DAAM2: variants seen among roughly 807,000 people sequenced by gnomAD.
DAAM2 encodes disheveled-associated activator of morphogenesis 2.
A neutral mutation model predicts 120.7 loss-of-function variants in DAAM2; 39 were observed. The observed-to-expected ratio is 0.32, with a 90% CI of 0.25 to 0.42. The LOEUF (loss-of-function observed/expected upper bound fraction) is 0.42. Among genes scored for constraint, DAAM2 ranks in the 10% least tolerant of loss-of-function variants. The pLI is 1.00. For synonymous variants in DAAM2, 488 were observed against 524.9 expected (o/e 0.93, Z 0.96); for missense variants, 1,283 against 1,401.7 (o/e 0.92, Z 1.35).
At chr6:39,813,089 T>C (rs1024564953) in intron 1 of DAAM2, among the ~76,000 whole-genome samples, 5 of 152,026 alleles carry the variant, frequency 3.3e-5, no homozygotes, top group Admixed American at 6.5e-5. Context: ...CCAGTTCATC[T>C]GAGGGCACTA....
Position 39,900,133 on chromosome 6 carries a change from C to A in DAAM2, c.2736C>A (p.Val912=). 6.2e-7 allele frequency: 1 copy of A among 1,602,320 alleles called. No homozygotes were observed. The highest frequency in any genetic ancestry group is 1.1e-5 in the South Asian group (1 of 88,596). The change falls in exon 23 of 25, where the codon GTC becomes GTA. Residue 912 remains valine, a synonymous_variant. Transcript: ENST00000274867. ...AGCCCAGTGACAAGTTTGTCCCTGT[C>A]ATGAGCGACTTCATCACGGTGTCCA... ...VREPSDKFVP[V]MSDFITVSSF...
At chr6:39,894,319 A>G (rs1765933962) in intron 19 of DAAM2, among the ~76,000 whole-genome samples, 1 of 152,232 alleles carries the variant, frequency 6.6e-6, no homozygotes, top group Non-Finnish European at 1.5e-5. Flanking sequence ...AAACCTTAGA[A>G]AAAACATCCC....
At chr6:39,899,669 A>C (rs1372716020) in intron 22 of DAAM2, 2 of 165,826 alleles carry the variant, frequency 1.2e-5, no homozygotes, top group Non-Finnish European at 2.6e-5. Flanking sequence ...GTGCTACTCA[A>C]AGTGCGGTAC....
chr6:39,824,696 G>T (rs966742270), intron 1 of DAAM2, among the ~76,000 whole-genome samples: 2 of 152,158 alleles, frequency 1.3e-5, no homozygotes, highest in Non-Finnish European at 2.9e-5. Flanking sequence ...CAAGCTGAGG[G>T]AGGCAGATGT....
intron 1 of DAAM2, among the ~76,000 whole-genome samples, chr6:39,806,866 A>T (rs1382552811): frequency 1.3e-5 from 2 of 151,740 alleles, no homozygotes; most frequent in Admixed American, 1.3e-4. Context: ...GAAAAGAAAA[A>T]ATCATGCTCA....
intron 6 of DAAM2, chr6:39,868,135 CTCT>C: frequency 7.3e-6 from 3 of 409,774 alleles, no homozygotes; most frequent in Admixed American, 3.7e-5. Context: ...ATTTTTGTGG[CTCT>C]GCATCTCCAA....
rs1200622918 is a variant in DAAM2, at chr6:39,903,888, C to G, written c.*1851C>G. 3 of 303,124 alleles carry G rather than the reference C, an allele frequency of 9.9e-6. No homozygotes were observed. Among genetic ancestry groups the G allele is most frequent in the African/African-American group, 2.2e-5 (1 of 45,888 alleles). The allele number at this position is 303,124 out of a possible 1,614,324, so 18.8% of individuals were successfully genotyped here. A position where few individuals can be genotyped will look rare whatever the true frequency, so the allele number is the denominator to read the frequency against. On this transcript the variant is annotated 3_prime_UTR_variant, in exon 25 of 25. Coordinates refer to ENST00000274867, the MANE Select transcript of DAAM2 (RefSeq NM_001201427.2). ...CAGGTGTGAAGAGGCCATCCTGGAA[C>G]CCAGGTGAGGGCAAGATGAAGGCTT...
At chr6:39,824,668 C>T (rs1401270373) in intron 1 of DAAM2, among the ~76,000 whole-genome samples, 4 of 152,104 alleles carry the variant, frequency 2.6e-5, no homozygotes, top group African/African-American at 9.7e-5. Flanking sequence ...AGAAGCTGGC[C>T]AGCTCCTGCA....
At chr6:39,792,580 T>C (rs1017176574) in intron 1 of DAAM2, 115 bp downstream of exon 1, 16 of 152,074 alleles carry the variant, frequency 1.1e-4, no homozygotes, top group Admixed American at 3.3e-4. Context: ...CCCGCGGGGC[T>C]TGGGGAGGCA....
intron 3 of DAAM2, among the ~76,000 whole-genome samples, chr6:39,863,811 C>A (rs1461097415): frequency 6.6e-6 from 1 of 152,178 alleles, no homozygotes; most frequent in Non-Finnish European, 1.5e-5. Flanking sequence ...GCTGCACATC[C>A]CCCTCATTCA....
rs3003929 is a variant in DAAM2 at position 39,884,042 on chromosome 6, G to C, written c.1926G>C (p.Lys642Asn). The C allele has an allele frequency of 1.2e-6, 2 of 1,609,708 alleles. No homozygotes were observed. The highest frequency in any genetic ancestry group is 1.1e-5 in the South Asian group (1 of 90,514). Residue 642 changes from lysine to asparagine, a missense_variant, in exon 15 of 25, where the codon AAG becomes AAC. Transcript: ENST00000274867. ...TCCTGGACCTAGAGGATTTTGAAAAGATGTTTTCAGCCTACCAGAGGCACC... is the reference window on the plus strand; with the variant it reads ...TCCTGGACCTAGAGGATTTTGAAAACATGTTTTCAGCCTACCAGAGGCACC... ...FRILDLEDFE[K>N]MFSAYQRHQK... is the part of the protein sequence containing the mutation.
intron 1 of DAAM2, among the ~76,000 whole-genome samples, chr6:39,811,172 G>GAGT (rs1762147577): frequency 8.5e-6 from 1 of 118,014 alleles, no homozygotes; most frequent in Admixed American, 8.1e-5. Flanking sequence ...TAAACTGAAG[G>GAGT]GAGTGTGTGT....
intron 2 of DAAM2, among the ~76,000 whole-genome samples, chr6:39,857,986 G>C (rs956079205): frequency 3.3e-5 from 5 of 151,992 alleles, no homozygotes; most frequent in African/African-American, 7.3e-5. Context: ...TGTCTAGCAG[G>C]GAGCTGTATT....
At chr6:39,900,539 G>A (rs1343283065) in intron 23 of DAAM2, among the ~76,000 whole-genome samples, 1 of 152,218 alleles carries the variant, frequency 6.6e-6, no homozygotes, top group East Asian at 1.9e-4. Flanking sequence ...TTGCCCAGCT[G>A]TAAGTTATAG....
At chr6:39,854,818 A>T (rs1006824327) in intron 1 of DAAM2, among the ~76,000 whole-genome samples, 3 of 152,184 alleles carry the variant, frequency 2.0e-5, no homozygotes, top group African/African-American at 7.2e-5. Context: ...AGAGGGCTAG[A>T]TGAGAGCATA....
At chr6:39,802,529 A>ATGG (rs771698891) in intron 1 of DAAM2, among the ~76,000 whole-genome samples, 15 of 152,276 alleles carry the variant, frequency 9.9e-5, no homozygotes, top group Middle Eastern at 3.4e-3. Context: ...GAAGATGATG[A>ATGG]TGGTGGTGGT....
chr6:39,862,064 G>A (rs1277425696), intron 3 of DAAM2: 1 of 152,222 alleles, frequency 6.6e-6, no homozygotes, highest in Non-Finnish European at 1.5e-5. Context: ...CAGGAACCTG[G>A]AAAACCACAC....
In DAAM2 at chr6:39,891,701, G is replaced by A; in HGVS notation, c.2320G>A (p.Glu774Lys). ...GAAGAAATTCCAGGAGCGGCTGGCT[G>A]AGGCAAAGCCCAAAGTGGAAGGTAG... is the stretch of plus-strand genomic sequence containing the variant. The part of the protein sequence containing the change: ...FKKKFQERLA[E>K]AKPKVEAILL... The change falls in exon 19 of 25, where the codon GAG becomes AAG. Residue 774 changes from glutamate (E) to lysine (K), a missense_variant. This residue lies in a region of DAAM2 where 748 missense variants were observed against 768.6 expected (regional missense o/e 0.97). Coordinates refer to ENST00000274867, the MANE Select transcript of DAAM2 (RefSeq NM_001201427.2). The A allele has an allele frequency of 6.2e-7, 1 of 1,605,388 alleles. No individual in the cohort carries two copies. Among genetic ancestry groups the A allele is most frequent in the Non-Finnish European group, 8.5e-7 (1 of 1,175,970 alleles).
In DAAM2 at chr6:39,887,512, C is replaced by A. The variant is rs35383047; in HGVS notation, c.1980C>A (p.Ile660=). 0.066 allele frequency: 106,266 copies of A among 1,612,754 alleles called. 5,312 individuals carry two copies. The highest frequency in any genetic ancestry group is 0.24 in the African/African-American group (17,954 of 74,932). ...HQKELGSTED[I]YLASRKVKEL... ...AAGAGCTGGGCTCCACTGAAGACAT[C>A]TACCTGGCTTCCCGCAAGGTCAAAG... Residue 660 remains isoleucine (I), a synonymous_variant, in exon 16 of 25, where the codon ATC becomes ATA. Transcript: ENST00000274867.
Sources: gnomAD v4.1 joint callset for allele counts (sites outside exome capture counted in the v4.1 genomes callset) on GRCh38, gnomAD v4.1.1 for gene constraint, gnomAD v4.1.1 regional missense constraint, MANE v1.5 for transcripts, NCBI Gene and HGNC (gene_info 2026-07-23, HGNC 2026-07-21) for gene names.